Variants in PLCG1 observed in about 807,000 individuals in gnomAD.
PLCG1 encodes phospholipase C gamma 1.
A neutral mutation model predicts 177.8 loss-of-function variants in PLCG1; 71 were observed. The ratio of observed to expected loss-of-function variants is 0.40; its 90% CI spans 0.33 to 0.49. The LOEUF is 0.49. Ranked by LOEUF, PLCG1 falls within the 20% of genes least tolerant of loss-of-function variation. The pLI is 0.72. For missense variants in PLCG1, 1,281 were observed against 1,709.0 expected, an observed-to-expected ratio of 0.75 and a Z score of 4.42; for synonymous variants, 658 against 647.9, an observed-to-expected ratio of 1.02 and a Z score of -0.24.
At chr20:41,158,685 G>A (rs2035398394) in intron 1 of PLCG1, among the ~76,000 whole-genome samples, 1 of 152,204 alleles carries the variant, frequency 6.6e-6, no homozygotes, top group Non-Finnish European at 1.5e-5. Flanking sequence ...TAGCAGTGAG[G>A]TCAGAGTGGC....
At chr20:41,162,765 C>A in intron 6 of PLCG1, 40 bp downstream of exon 6, 2 of 1,515,960 alleles carry the variant, frequency 1.3e-6, no homozygotes, top group Non-Finnish European at 9.1e-7. Context: ...CCTGCCCCTG[C>A]TCTTCCACCC....
chr20:41,148,846 A>G lies in PLCG1; in HGVS notation c.218-10760A>G, dbSNP rs933463964. ...CTTCCAACAAGGATTCTGAGGCATT[A>G]CAGAGCACACGTCTAGGGTACAGGC... is the stretch of plus-strand genomic sequence containing the variant. On this transcript the variant is annotated intron_variant, in intron 1 of 31. Coordinates refer to ENST00000685551, the MANE Select transcript of PLCG1 (RefSeq NM_002660.3). This position sits in a 1 kb window ranked among gnomAD's most constrained non-coding sequence, Gnocchi z 4.3. Among the ~76,000 whole-genome samples the G allele has an allele frequency of 6.6e-6, 1 of 152,292 alleles. No homozygotes were observed. The highest frequency in any genetic ancestry group is 1.9e-4 in the East Asian group (1 of 5,180).
intron 1 of PLCG1, among the ~76,000 whole-genome samples, chr20:41,140,570 T>C (rs940990453): frequency 1.3e-5 from 2 of 152,168 alleles, no homozygotes; most frequent in South Asian, 2.1e-4. Context: ...CATACTGATA[T>C]GTAAGACCTT....
intron 4 of PLCG1, among the ~76,000 whole-genome samples, chr20:41,161,535 G>A (rs1485136005): frequency 2.0e-5 from 3 of 152,108 alleles, no homozygotes; most frequent in Non-Finnish European, 4.4e-5. Context: ...TTCCTCACTG[G>A]AAAACAAGGA....
chr20:41,166,973 G>T lies in PLCG1; in HGVS notation c.2301+114G>T. On this transcript the variant is annotated intron_variant, in intron 19 of 31. Coordinates refer to ENST00000685551, the MANE Select transcript of PLCG1 (RefSeq NM_002660.3). This position sits in a 1 kb window ranked among gnomAD's most constrained non-coding sequence, Gnocchi z 8.6. The stretch of plus-strand genomic sequence containing the variant: ...CCTGGTGTGTTGTAGAAGTTCGTGG[G>T]AGGGCCCCTGACTCCAGCTGGGAGC... 1 of 1,006,950 alleles carries T rather than the reference G, an allele frequency of 9.9e-7. No individual in the cohort carries two copies. Among genetic ancestry groups the T allele is most frequent in the Non-Finnish European group, 1.5e-6 (1 of 659,136 alleles). 62.4% of individuals were successfully genotyped at this position (1,006,950 alleles called of 1,614,324 possible).
In PLCG1 at chr20:41,159,697, G is replaced by T; in HGVS notation, c.309G>T (p.Gln103His). The T allele has an allele frequency of 6.2e-7, 1 of 1,614,238 alleles. No individual in the cohort carries two copies. The highest frequency in any genetic ancestry group is 8.5e-7 in the Non-Finnish European group (1 of 1,180,060). The change falls in exon 2 of 32, where the codon CAG becomes CAT. Residue 103 changes from glutamine (Q) to histidine (H), a missense_variant. Physicochemically the swap from Gln to His is conservative, Grantham distance 24. This residue lies in a region of PLCG1 where 374 missense variants were observed against 443.8 expected (regional missense o/e 0.84). Transcript: ENST00000685551. This position sits in a 1 kb window ranked among gnomAD's most constrained non-coding sequence, Gnocchi z 6.0. ...AGGACCCAGCTTTCCGGCCGGACCA[G>T]TCACATTGCTTTGTCATTCTCTATG... is the stretch of plus-strand genomic sequence containing the variant. ...YQEDPAFRPD[Q>H]SHCFVILYGM...
At chr20:41,162,796 C>G in intron 6 of PLCG1, 71 bp downstream of exon 6, 2 of 1,416,074 alleles carry the variant, frequency 1.4e-6, no homozygotes, top group Non-Finnish European at 2.0e-6. Context: ...CTCTGCCTGC[C>G]TCAGCCCTGC....
chr20:41,159,582 T>C lies in PLCG1; in HGVS notation c.218-24T>C. ...GACTCTGGGAGACCCCAGCTTGATCTTGGCCTCTTTGCTACCTTCCTAGTT... is the reference window on the plus strand; with the variant it reads ...GACTCTGGGAGACCCCAGCTTGATCCTGGCCTCTTTGCTACCTTCCTAGTT... On this transcript the variant is annotated intron_variant, in intron 1 of 31. Transcript: ENST00000685551. The surrounding 1 kb of genome is among the most constrained non-coding windows in gnomAD (Gnocchi z 6.0). 6.2e-7 allele frequency: 1 copy of C among 1,612,050 alleles called. No homozygotes were observed. Among genetic ancestry groups the C allele is most frequent in the Non-Finnish European group, 8.5e-7 (1 of 1,179,010 alleles).
intron 1 of PLCG1, among the ~76,000 whole-genome samples, chr20:41,143,134 G>T (rs967224782): frequency 1.3e-5 from 2 of 152,164 alleles, no homozygotes; most frequent in Non-Finnish European, 2.9e-5. Context: ...GTATGATATT[G>T]TCCTATTTCT....
intron 1 of PLCG1, among the ~76,000 whole-genome samples, chr20:41,152,961 G>C (rs1250879102): frequency 6.6e-6 from 1 of 152,200 alleles, no homozygotes; most frequent in South Asian, 2.1e-4. Flanking sequence ...AATTGGACTT[G>C]GACCCTTTTG....
At position 41,160,131 on chromosome 20, in the gene PLCG1, G is replaced by A. The variant is rs748936661; in HGVS notation, c.490G>A (p.Val164Met). The change falls in exon 4 of 32, where the codon GTG becomes ATG. Residue 164 changes from valine (V) to methionine (M), a missense_variant. By Grantham distance (21) the Val-to-Met change is conservative (BLOSUM62 1). This residue lies in a region of PLCG1 where 374 missense variants were observed against 443.8 expected (regional missense o/e 0.84). Coordinates refer to ENST00000685551, the MANE Select transcript of PLCG1 (RefSeq NM_002660.3). The surrounding 1 kb of genome is among the most constrained non-coding windows in gnomAD (Gnocchi z 5.5). ...ERWLRKQFYS[V>M]DRNREDRISA... ...GTGGCTCCGGAAGCAGTTTTACTCAGTGGATCGGAATCGTGAGGATCGGTA... is the reference window on the plus strand; with the variant it reads ...GTGGCTCCGGAAGCAGTTTTACTCAATGGATCGGAATCGTGAGGATCGGTA... 51 of 1,614,042 alleles carry A rather than the reference G, an allele frequency of 3.2e-5. No homozygotes were observed. In the Admixed American group the frequency reaches 6.0e-4, roughly 19 times the overall value.
rs202197413 is a variant in PLCG1 at position 41,167,940 on chromosome 20, G to A, written c.2379+11G>A. 416 of 1,600,868 alleles carry A rather than the reference G, an allele frequency of 2.6e-4. 1 individual carries two copies. The highest frequency in any genetic ancestry group is 5.3e-4 in the South Asian group (48 of 90,812). The stretch of plus-strand genomic sequence containing the variant: ...ATGCCAACTTTCAAGGTACAGCTCA[G>A]GCCTCTGGGCATAGGAAGCTGGGGA... On this transcript the variant is annotated intron_variant, in intron 20 of 31. Coordinates refer to ENST00000685551, the MANE Select transcript of PLCG1 (RefSeq NM_002660.3). This position sits in a 1 kb window ranked among gnomAD's most constrained non-coding sequence, Gnocchi z 4.4.
At position 41,176,858 on chromosome 20, in the gene PLCG1, CAGG is replaced by C. The variant is rs1212740259; in HGVS notation, c.*2352_*2354del. ...TACTTGGGGCCGAATGCTTTGGCAT[CAGG>C]AGTTGTTTGCCCCATCCCATGCATG... On this transcript the variant is annotated 3_prime_UTR_variant, in exon 32 of 32. Transcript: ENST00000685551. 5.3e-5 allele frequency: 8 copies of C among 152,260 alleles called. No individual in the cohort carries two copies. Among genetic ancestry groups the C allele is most frequent in the African/African-American group, 1.7e-4 (7 of 41,450 alleles). 9.4% of individuals were successfully genotyped at this position (152,260 alleles called of 1,614,324 possible).
chr20:41,169,533 T>G lies in PLCG1; in HGVS notation c.2650+7T>G. ...GTGCCGGCTTGTCAGATTGGTGAGCTCCCATCTGTTTCTCTTGCCCACTGT... is the reference window on the plus strand; with the variant it reads ...GTGCCGGCTTGTCAGATTGGTGAGCGCCCATCTGTTTCTCTTGCCCACTGT... On this transcript the variant is annotated splice_region_variant and intron_variant, in intron 23 of 31. Transcript: ENST00000685551. 6.2e-7 allele frequency: 1 copy of G among 1,605,110 alleles called. No homozygotes were observed. The highest frequency in any genetic ancestry group is 1.1e-5 in the South Asian group (1 of 90,894).
chr20:41,142,273 A>G (rs1051814337), intron 1 of PLCG1, among the ~76,000 whole-genome samples: 2 of 152,250 alleles, frequency 1.3e-5, no homozygotes, highest in African/African-American at 4.8e-5. Context: ...CACTCTGTGC[A>G]GGGGTAGGGA....
chr20:41,167,105 G>A lies in PLCG1; in HGVS notation c.2301+246G>A, dbSNP rs577954416. 6.6e-6 allele frequency among the ~76,000 whole-genome samples: 1 copy of A among 152,296 alleles called. No individual in the cohort carries two copies. Among genetic ancestry groups the A allele is most frequent in the Admixed American group, 6.5e-5 (1 of 15,294 alleles). ...GAGGGTTCCTCATGAGTCAAGATGT[G>A]GAGTGAGGAGGTTCTGGGGCTCACA... On this transcript the variant is annotated intron_variant, in intron 19 of 31. Transcript: ENST00000685551. The surrounding 1 kb of genome is among the most constrained non-coding windows in gnomAD (Gnocchi z 4.4).
At position 41,174,530 on chromosome 20, in the gene PLCG1, A is replaced by G. The variant is rs377520287; in HGVS notation, c.*21A>G. ...TCTAGTTGTACCCCAGCCTCGTTGGAGAGCAGCAGGTGCTGTGCGCCTTGT... is the reference window on the plus strand; with the variant it reads ...TCTAGTTGTACCCCAGCCTCGTTGGGGAGCAGCAGGTGCTGTGCGCCTTGT... On this transcript the variant is annotated 3_prime_UTR_variant, in exon 32 of 32. Coordinates refer to ENST00000685551, the MANE Select transcript of PLCG1 (RefSeq NM_002660.3). The surrounding 1 kb of genome is among the most constrained non-coding windows in gnomAD (Gnocchi z 5.8). The G allele has an allele frequency of 5.6e-5, 88 of 1,574,846 alleles. No homozygotes were observed. Among genetic ancestry groups the G allele is most frequent in the Admixed American group, 3.1e-4 (17 of 54,776 alleles).
Position 41,137,938 on chromosome 20 carries a change from G to A in PLCG1, c.217+80G>A. 2 of 1,016,132 alleles carry A rather than the reference G, an allele frequency of 2.0e-6. No homozygotes were observed. Among genetic ancestry groups the A allele is most frequent in the East Asian group, 3.3e-5 (1 of 30,536 alleles). The allele number at this position is 1,016,132 out of a possible 1,614,324, so 62.9% of individuals were successfully genotyped here. On this transcript the variant is annotated intron_variant, in intron 1 of 31. Coordinates refer to ENST00000685551, the MANE Select transcript of PLCG1 (RefSeq NM_002660.3). The surrounding 1 kb of genome is among the most constrained non-coding windows in gnomAD (Gnocchi z 7.3). Reference sequence around the variant, plus strand: ...CGGCCCGACTGCTTGCACCCCGGCCGGCCGCCCCAGCGACTTGGGCAAACT... The same window carrying A: ...CGGCCCGACTGCTTGCACCCCGGCCAGCCGCCCCAGCGACTTGGGCAAACT...
At chr20:41,139,562 C>A (rs950843387) in intron 1 of PLCG1, among the ~76,000 whole-genome samples, 1 of 152,156 alleles carries the variant, frequency 6.6e-6, no homozygotes, top group South Asian at 2.1e-4. Context: ...CTTCTCTGAG[C>A]CTTGATTTCC....
Sources: allele counts gnomAD v4.1 joint callset (sites outside exome capture counted in the v4.1 genomes callset), GRCh38; gene constraint gnomAD v4.1.1; regional missense constraint gnomAD v4.1.1; non-coding constraint Gnocchi (gnomAD v3.1); transcripts MANE v1.5; gene names NCBI Gene and HGNC (gene_info 2026-07-23, HGNC 2026-07-21).